The following MUSK variants were observed in gnomAD, a reference collection of about 807,000 sequenced individuals.
MUSK encodes the protein muscle associated receptor tyrosine kinase.
Under a neutral mutation model 88.7 loss-of-function variants are expected in MUSK, and 55 were observed. The observed-to-expected ratio is 0.62, with a 90% CI of 0.50 to 0.78. The LOEUF is 0.78. MUSK is among the 30% of genes least tolerant of loss of function. The pLI is 0.00. For missense variants in MUSK, 1,015 were observed against 1,074.3 expected (o/e 0.94, Z 0.77); for synonymous variants, 387 against 391.9 (o/e 0.99, Z 0.15).
intron 12 of MUSK, among the ~76,000 whole-genome samples, 179 bp downstream of exon 12, chr9:110,785,195 T>C (rs536585920): frequency 6.6e-6 from 1 of 152,286 alleles, no homozygotes; most frequent in East Asian, 1.9e-4. Flanking sequence ...CTTTTTGGCA[T>C]GGGATCAAAT....
chr9:110,679,072 T>C (rs2076071059), intron 1 of MUSK, among the ~76,000 whole-genome samples: 2 of 152,198 alleles, frequency 1.3e-5, no homozygotes, highest in South Asian at 2.1e-4. Flanking sequence ...TATTCTGTAA[T>C]TGTTTCATTG....
intron 5 of MUSK, among the ~76,000 whole-genome samples, chr9:110,706,722 G>A (rs2076604060): frequency 6.6e-6 from 1 of 152,106 alleles, no homozygotes; most frequent in Non-Finnish European, 1.5e-5. Context: ...TAGACCAGAG[G>A]GCCAACCATA....
chr9:110,679,916 ACT>A (rs1206413810), intron 1 of MUSK, among the ~76,000 whole-genome samples: 1 of 151,692 alleles, frequency 6.6e-6, no homozygotes, highest in African/African-American at 2.4e-5. Flanking sequence ...ATTTAATTCC[ACT>A]CTTTTTAAAC....
intron 5 of MUSK, among the ~76,000 whole-genome samples, chr9:110,731,153 T>C (rs1564251142): frequency 6.6e-6 from 1 of 152,100 alleles, no homozygotes; most frequent in Non-Finnish European, 1.5e-5. Flanking sequence ...ATATATACCA[T>C]GCAGGGTTCT....
chr9:110,695,383 GAATTTTC>G lies in MUSK; in HGVS notation c.359-18_359-12del. On this transcript the variant is annotated splice_polypyrimidine_tract_variant and intron_variant, in intron 3 of 14. Transcript: ENST00000374448. Reference sequence around the variant, plus strand: ...AAAGCCATATTGCCTTATTTATTTTGAATTTTCATTTCTTTTTAGAACCTAAAATAAC... The same window carrying G: ...AAAGCCATATTGCCTTATTTATTTTGATTTCTTTTTAGAACCTAAAATAAC... 7.0e-7 allele frequency: 1 copy of G among 1,438,650 alleles called. No homozygotes were observed. The highest frequency in any genetic ancestry group is 2.4e-5 in the Admixed American group (1 of 41,254). The allele number at this position is 1,438,650 out of a possible 1,614,324, so 89.1% of individuals were successfully genotyped here. A position where few individuals can be genotyped will look rare whatever the true frequency, so the allele number is the denominator to read the frequency against.
chr9:110,747,585 C>T lies in MUSK; in HGVS notation c.754-56C>T, dbSNP rs1238596855. On this transcript the variant is annotated intron_variant, in intron 6 of 14. Transcript: ENST00000374448. ...ATGCTTTTCCCTTCAAATCTACTGACATAGTATAGTGGGAAATCCTTGACT... is the reference window on the plus strand; with the variant it reads ...ATGCTTTTCCCTTCAAATCTACTGATATAGTATAGTGGGAAATCCTTGACT... 3 of 1,507,972 alleles carry T rather than the reference C, an allele frequency of 2.0e-6. No homozygotes were observed. In the East Asian group the frequency reaches 6.8e-5, roughly 34 times the overall value. The allele number at this position is 1,507,972 out of a possible 1,614,324, so 93.4% of individuals were successfully genotyped here. A position where few individuals can be genotyped will look rare whatever the true frequency, so the allele number is the denominator to read the frequency against.
intron 5 of MUSK, among the ~76,000 whole-genome samples, chr9:110,716,724 T>C (rs2076748519): frequency 6.7e-6 from 1 of 150,092 alleles, no homozygotes; most frequent in Non-Finnish European, 1.5e-5. Context: ...TGGAGAATTT[T>C]AGTTTTGCCT....
chr9:110,682,853 G>GTA (rs895851940), intron 2 of MUSK, 53 bp downstream of exon 2: 22 of 1,179,858 alleles, frequency 1.9e-5, no homozygotes, highest in East Asian at 5.2e-5. Flanking sequence ...TATAGTAGGT[G>GTA]TATATATATG....
At chr9:110,755,519 C>T (rs2077299273) in intron 7 of MUSK, among the ~76,000 whole-genome samples, 1 of 152,102 alleles carries the variant, frequency 6.6e-6, no homozygotes, top group Admixed American at 6.5e-5. Flanking sequence ...TCTCCTTGCC[C>T]TTCTCAAGAG....
intron 6 of MUSK, among the ~76,000 whole-genome samples, chr9:110,741,984 T>G (rs146856312): frequency 1.3e-3 from 195 of 152,320 alleles, no homozygotes; most frequent in African/African-American, 4.5e-3. Flanking sequence ...AGGGCTAATG[T>G]TCTCTAATTT....
chr9:110,695,501 T>C lies in MUSK; in HGVS notation c.457T>C (p.Ser153Pro). 6.4e-7 allele frequency: 1 copy of C among 1,567,388 alleles called. No individual in the cohort carries two copies. Among genetic ancestry groups the C allele is most frequent in the Non-Finnish European group, 8.7e-7 (1 of 1,153,290 alleles). The change falls in exon 4 of 15, where the codon TCT (serine) becomes CCT (proline). Residue 153 changes from serine to proline, a missense_variant. By Grantham distance (74) the Ser-to-Pro change is moderately conservative. Transcript: ENST00000374448. ...AATGGGTAATCCCAAACCATCAGTG[T>C]CTTGGATAAAGGGAGACAGCCCTCT... The part of the protein sequence containing the change: ...TTMGNPKPSV[S>P]WIKGDSPLRE...
At chr9:110,748,360 C>T (rs7027920) in intron 7 of MUSK, among the ~76,000 whole-genome samples, 41 of 152,198 alleles carry the variant, frequency 2.7e-4, no homozygotes, top group Middle Eastern at 3.4e-3. Context: ...CTATTTCTTG[C>T]GGGCATTTTT....
intron 1 of MUSK, among the ~76,000 whole-genome samples, chr9:110,680,103 A>C (rs1337162882): frequency 6.6e-6 from 1 of 152,060 alleles, no homozygotes; most frequent in East Asian, 1.9e-4. Flanking sequence ...AGTGGTAAAC[A>C]CTCTCAATAT....
intron 5 of MUSK, among the ~76,000 whole-genome samples, chr9:110,712,281 C>T (rs910504992): frequency 2.0e-5 from 3 of 151,696 alleles, no homozygotes; most frequent in East Asian, 1.9e-4. Context: ...ATTTTTTGCT[C>T]GGCCTGGCAT....
At chr9:110,680,927 T>C (rs1005368841) in intron 1 of MUSK, among the ~76,000 whole-genome samples, 4 of 103,766 alleles carry the variant, frequency 3.9e-5, no homozygotes, top group South Asian at 5.0e-4. Context: ...CTTTGTATTA[T>C]GTTCTGTATA....
At chr9:110,765,330 G>A (rs975835168) in intron 8 of MUSK, among the ~76,000 whole-genome samples, 11 of 152,046 alleles carry the variant, frequency 7.2e-5, no homozygotes, top group Admixed American at 1.3e-4. Context: ...GAGATATTAC[G>A]TCAACATGTG....
At chr9:110,760,321 C>A (rs1305283023) in intron 7 of MUSK, among the ~76,000 whole-genome samples, 1 of 152,164 alleles carries the variant, frequency 6.6e-6, no homozygotes, top group East Asian at 1.9e-4. Flanking sequence ...AAATGCCTAT[C>A]AATGACAGAT....
At chr9:110,697,053 ATAT>A (rs200838372) in intron 4 of MUSK, among the ~76,000 whole-genome samples, 490 of 148,328 alleles carry the variant, frequency 3.3e-3, no homozygotes, top group African/African-American at 0.011. Context: ...ATACATATAC[ATAT>A]TATATATATA....
intron 7 of MUSK, among the ~76,000 whole-genome samples, chr9:110,751,290 C>T (rs779837294): frequency 6.4e-4 from 98 of 152,246 alleles, no homozygotes; most frequent in Admixed American, 4.1e-3. Context: ...CTTAAAAAAA[C>T]GGCATCTTCC....
Sources: gnomAD v4.1 joint callset for allele counts (sites outside exome capture counted in the v4.1 genomes callset) on GRCh38, gnomAD v4.1.1 for gene constraint, MANE v1.5 for transcripts, NCBI Gene and HGNC (gene_info 2026-07-23, HGNC 2026-07-21) for gene names.